The following CDH4 variants were observed in gnomAD, a reference collection of about 807,000 sequenced individuals.
CDH4 encodes cadherin-4.
A neutral mutation model predicts 86.0 loss-of-function variants in CDH4; 33 were observed. The observed-to-expected ratio is 0.38, with a 90% CI of 0.29 to 0.51. The LOEUF (loss-of-function observed/expected upper bound fraction) is 0.51, where lower values mean the gene tolerates loss of function less well. CDH4 is among the 20% of genes least tolerant of loss of function. The pLI is 0.86. For missense variants in CDH4, 1,114 were observed against 1,307.4 expected, an observed-to-expected ratio of 0.85 and a Z score of 2.28; for synonymous variants, 555 against 549.4, an observed-to-expected ratio of 1.01 and a Z score of -0.14.
chr20:61,882,160 GCCAGAC>G (rs1334535999), intron 7 of CDH4, among the ~76,000 whole-genome samples: 2 of 152,188 alleles, frequency 1.3e-5, no homozygotes, highest in Non-Finnish European at 2.9e-5. Context: ...ACAGGAAGCA[GCCAGAC>G]CCAGTCCCTT....
intron 2 of CDH4, among the ~76,000 whole-genome samples, chr20:61,339,393 AGAT>A (rs2084637478): frequency 6.6e-6 from 1 of 152,272 alleles, no homozygotes; most frequent in East Asian, 1.9e-4. Context: ...TCTGAAGCAA[AGAT>A]GATGAATGTT....
At chr20:61,626,453 A>G (rs1042891912) in intron 2 of CDH4, among the ~76,000 whole-genome samples, 1 of 151,076 alleles carries the variant, frequency 6.6e-6, no homozygotes, top group South Asian at 2.1e-4. Context: ...GCAGAAGCAG[A>G]AGGAGAAGCA....
intron 2 of CDH4, among the ~76,000 whole-genome samples, chr20:61,638,842 C>T (rs1568727597): frequency 6.6e-6 from 1 of 152,066 alleles, no homozygotes; most frequent in Non-Finnish European, 1.5e-5. Context: ...ACTGAAGCAC[C>T]CTGAAAATTC....
At chr20:61,910,663 C>A in intron 9 of CDH4, 56 bp downstream of exon 9, 1 of 1,460,576 alleles carries the variant, frequency 6.8e-7, no homozygotes, top group Non-Finnish European at 9.6e-7. Flanking sequence ...CCTGCACACT[C>A]CCTAGGACCA....
At position 61,773,859 on chromosome 20, in the gene CDH4, G is replaced by A. The variant is rs904078606; in HGVS notation, c.576+677G>A. Among the ~76,000 whole-genome samples, 6 of 152,216 alleles carry A rather than the reference G, an allele frequency of 3.9e-5. No homozygotes were observed. The East Asian group carries it at 1.2e-3, about 29-fold the overall frequency. ...GAGGGTCCCCAGAGTGTGCTTAAGG[G>A]GTCATTCTCATTCTTTGTGCTGTTT... On this transcript the variant is annotated intron_variant, in intron 4 of 15. Coordinates refer to ENST00000614565, the MANE Select transcript of CDH4 (RefSeq NM_001794.5).
At chr20:61,445,621 C>T (rs2085345501) in intron 2 of CDH4, among the ~76,000 whole-genome samples, 1 of 152,120 alleles carries the variant, frequency 6.6e-6, no homozygotes, top group Non-Finnish European at 1.5e-5. Context: ...GGCAAAGGGA[C>T]CAAGGCCATT....
intron 2 of CDH4, among the ~76,000 whole-genome samples, chr20:61,572,479 C>A (rs1185160227): frequency 6.6e-6 from 1 of 152,080 alleles, no homozygotes; most frequent in Non-Finnish European, 1.5e-5. Context: ...GGGAAACGGC[C>A]GGCTGGGGTG....
chr20:61,598,261 C>T (rs1300652532), intron 2 of CDH4, among the ~76,000 whole-genome samples: 1 of 152,034 alleles, frequency 6.6e-6, no homozygotes, highest in Non-Finnish European at 1.5e-5. Flanking sequence ...TCTCCAAGCC[C>T]CTCCCACCCA....
intron 2 of CDH4, among the ~76,000 whole-genome samples, chr20:61,625,896 T>G (rs1600817465): frequency 6.6e-6 from 1 of 152,222 alleles, no homozygotes; most frequent in East Asian, 1.9e-4. Flanking sequence ...AGTTTTCCAT[T>G]CGCACATCAT....
chr20:61,377,308 AC>A lies in CDH4; in HGVS notation c.169+122372del, dbSNP rs2084877616. Among the ~76,000 whole-genome samples the A allele has an allele frequency of 6.6e-6, 1 of 151,776 alleles. No homozygotes were observed. The highest frequency in any genetic ancestry group is 1.5e-5 in the Non-Finnish European group (1 of 67,962). On this transcript the variant is annotated intron_variant, in intron 2 of 15. Transcript: ENST00000614565. This position sits in a 1 kb window ranked among gnomAD's most constrained non-coding sequence, Gnocchi z 4.0. ...CATCATTTAGGTGACACAGCCCGGG[AC>A]TCCTGGGCCCTGACGAATCCAAAGG...
chr20:61,924,120 A>G (rs1321933353), intron 10 of CDH4, among the ~76,000 whole-genome samples: 1 of 150,622 alleles, frequency 6.6e-6, no homozygotes, highest in East Asian at 2.0e-4. Flanking sequence ...GCCCGTAGCC[A>G]CTGCGTGGCC....
At chr20:61,792,982 A>T (rs143287103) in intron 4 of CDH4, among the ~76,000 whole-genome samples, 1,265 of 111,340 alleles carry the variant, frequency 0.011, 18 homozygotes, top group African/African-American at 0.037. Flanking sequence ...TTTGTTTTTG[A>T]GACAGAGTTT....
At chr20:61,865,661 T>C (rs1983514092) in intron 6 of CDH4, among the ~76,000 whole-genome samples, 1 of 152,092 alleles carries the variant, frequency 6.6e-6, no homozygotes, top group South Asian at 2.1e-4. Context: ...GCTTCCTGGC[T>C]GGTTAGTGTA....
At chr20:61,375,823 T>TTGGTGCTGG (rs1555842645) in intron 2 of CDH4, among the ~76,000 whole-genome samples, 3 of 3,440 alleles carry the variant, frequency 8.7e-4, no homozygotes, top group African/African-American at 2.0e-3. Flanking sequence ...TGTGATGGTC[T>TTGGTGCTGG]TGGTGGTGGT....
At chr20:61,531,901 A>G (rs1221408344) in intron 2 of CDH4, among the ~76,000 whole-genome samples, 1 of 152,230 alleles carries the variant, frequency 6.6e-6, no homozygotes. Flanking sequence ...GCTTATTAGT[A>G]AAGTGAGGAT....
chr20:61,870,682 C>G (rs1210680052), intron 6 of CDH4, among the ~76,000 whole-genome samples: 1 of 152,158 alleles, frequency 6.6e-6, no homozygotes, highest in Non-Finnish European at 1.5e-5. Flanking sequence ...GTGGCTTCTC[C>G]CTTTGACTTT....
intron 2 of CDH4, among the ~76,000 whole-genome samples, chr20:61,456,709 G>A (rs1391386690): frequency 2.6e-5 from 4 of 152,198 alleles, no homozygotes; most frequent in African/African-American, 4.8e-5. Context: ...CAACAGACAC[G>A]GGAGAGGCAG....
intron 4 of CDH4, among the ~76,000 whole-genome samples, chr20:61,809,524 C>G (rs914057621): frequency 2.6e-5 from 4 of 152,126 alleles, no homozygotes; most frequent in African/African-American, 9.7e-5. Context: ...GTAATTATAG[C>G]CATACATACT....
rs2085828343 is a variant in CDH4 at position 61,517,220 on chromosome 20, TCTCA to T, written c.170-226339_170-226336del. ...TCCCTTTTTGTTTTTAGAAATGAGA[TCTCA>T]CTCTGTTGCCCAGGCTGGAAGGCAG... is the stretch of plus-strand genomic sequence containing the variant. On this transcript the variant is annotated intron_variant, in intron 2 of 15. Transcript: ENST00000614565. This position sits in a 1 kb window ranked among gnomAD's most constrained non-coding sequence, Gnocchi z 6.6. Among the ~76,000 whole-genome samples the T allele has an allele frequency of 1.3e-5, 2 of 152,180 alleles. No individual in the cohort carries two copies. The highest frequency in any genetic ancestry group is 4.8e-5 in the African/African-American group (2 of 41,444).
Sources: allele counts gnomAD v4.1 joint callset (sites outside exome capture counted in the v4.1 genomes callset), GRCh38; gene constraint gnomAD v4.1.1; non-coding constraint Gnocchi (gnomAD v3.1); transcripts MANE v1.5; gene names NCBI Gene and HGNC (gene_info 2026-07-23, HGNC 2026-07-21).